The following SPMAP2L variants were observed in gnomAD, a reference collection of about 807,000 sequenced individuals.
The protein encoded by SPMAP2L is sperm microtubule associated protein 2 like.
At chr4:56,616,284 C>T in the SPMAP2L span, among the ~76,000 whole-genome samples, 1 of 152,176 alleles carries the variant, frequency 6.6e-6, no homozygotes, top group Non-Finnish European at 1.5e-5. Flanking sequence ...ATTTCCTCTT[C>T]TCTAAAGGAC....
chr4:56,580,716 G>A, the SPMAP2L span, among the ~76,000 whole-genome samples: 2 of 152,030 alleles, frequency 1.3e-5, no homozygotes, highest in South Asian at 4.1e-4. Context: ...CAGAAATGAC[G>A]TGATCTTGTA....
chr4:56,601,367 C>A, the SPMAP2L span, among the ~76,000 whole-genome samples: 1 of 152,136 alleles, frequency 6.6e-6, no homozygotes, highest in East Asian at 1.9e-4. Context: ...ACCTGTAATC[C>A]TAGTGCTTTG....
the SPMAP2L span, chr4:56,594,219 C>A: frequency 6.2e-7 from 1 of 1,608,730 alleles, no homozygotes; most frequent in Non-Finnish European, 8.5e-7. Flanking sequence ...CCGTTCCTCA[C>A]CCATCAAGTG....
At chr4:56,598,968 G>C in the SPMAP2L span, among the ~76,000 whole-genome samples, 1 of 151,952 alleles carries the variant, frequency 6.6e-6, no homozygotes, top group African/African-American at 2.4e-5. Flanking sequence ...GGGCTCTTAC[G>C]GTCTCTTGCC....
the SPMAP2L span, among the ~76,000 whole-genome samples, chr4:56,551,866 G>T: frequency 6.6e-6 from 1 of 152,202 alleles, no homozygotes; most frequent in Non-Finnish European, 1.5e-5. Flanking sequence ...TGCTGTCTAG[G>T]ATATGTGGCT....
the SPMAP2L span, among the ~76,000 whole-genome samples, chr4:56,541,621 G>C: frequency 6.6e-6 from 1 of 152,012 alleles, no homozygotes; most frequent in South Asian, 2.1e-4. Context: ...TTTGAATATT[G>C]TTTCATCTAG....
chr4:56,559,495 G>GT, the SPMAP2L span: 1 of 1,529,556 alleles, frequency 6.5e-7, no homozygotes. Context: ...GCCCAAGGAA[G>GT]TTTCCTGCCA....
the SPMAP2L span, among the ~76,000 whole-genome samples, chr4:56,551,409 A>G: frequency 3.9e-5 from 6 of 152,104 alleles, no homozygotes; most frequent in Non-Finnish European, 7.4e-5. Flanking sequence ...ATGGTGCATC[A>G]ATCTGTACAA....
At chr4:56,625,096 A>G in the SPMAP2L span, among the ~76,000 whole-genome samples, 1 of 152,114 alleles carries the variant, frequency 6.6e-6, no homozygotes, top group Non-Finnish European at 1.5e-5. Flanking sequence ...CTTGTGGGTG[A>G]CCTGGATGTG....
chr4:56,601,120 T>C, the SPMAP2L span: 2 of 1,530,570 alleles, frequency 1.3e-6, no homozygotes, highest in Admixed American at 2.0e-5. Flanking sequence ...GTATGTCAAT[T>C]TCAGGCTAAA....
the SPMAP2L span, among the ~76,000 whole-genome samples, chr4:56,561,591 AT>A: frequency 6.6e-6 from 1 of 152,058 alleles, no homozygotes; most frequent in African/African-American, 2.4e-5. Flanking sequence ...GTTAAAACTA[AT>A]CCAGTCTCAA....
chr4:56,572,767 G>A, the SPMAP2L span, among the ~76,000 whole-genome samples: 1 of 152,028 alleles, frequency 6.6e-6, no homozygotes, highest in Non-Finnish European at 1.5e-5. Context: ...TGTAATCCCA[G>A]CACTTTGGGA....
At chr4:56,592,760 C>A in the SPMAP2L span, among the ~76,000 whole-genome samples, 2 of 152,012 alleles carry the variant, frequency 1.3e-5, no homozygotes, top group Admixed American at 1.3e-4. Context: ...GCCGTGGGGC[C>A]GGGACAGCAG....
At chr4:56,589,845 A>G in the SPMAP2L span, among the ~76,000 whole-genome samples, 1 of 152,032 alleles carries the variant, frequency 6.6e-6, no homozygotes, top group Non-Finnish European at 1.5e-5. Flanking sequence ...TAGAAGAGCT[A>G]CTGATTTGTA....
the SPMAP2L span, chr4:56,594,559 C>G: frequency 6.2e-6 from 10 of 1,607,548 alleles, no homozygotes; most frequent in Non-Finnish European, 8.5e-6. Flanking sequence ...CCTACTTAAA[C>G]CAGAAAGGAG....
At chr4:56,566,291 C>T in the SPMAP2L span, among the ~76,000 whole-genome samples, 244 of 152,192 alleles carry the variant, frequency 1.6e-3, 1 homozygote, top group African/African-American at 5.7e-3. Flanking sequence ...CTCTGCCTTC[C>T]GGATTCAAGC....
chr4:56,594,583 G>A, the SPMAP2L span: 28 of 1,590,660 alleles, frequency 1.8e-5, no homozygotes, highest in South Asian at 3.3e-5. Flanking sequence ...GGCACAGAAC[G>A]GTTTGCCTCA....
At chr4:56,550,424 T>G in the SPMAP2L span, among the ~76,000 whole-genome samples, 1 of 152,200 alleles carries the variant, frequency 6.6e-6, no homozygotes, top group Admixed American at 6.5e-5. Flanking sequence ...ATAGGACAGA[T>G]ATATCAACTA....
chr4:56,583,683 AC>A, the SPMAP2L span, among the ~76,000 whole-genome samples: 1 of 152,206 alleles, frequency 6.6e-6, no homozygotes, highest in African/African-American at 2.4e-5. Flanking sequence ...CTCAAATCAT[AC>A]TACAGAGGAG....
Sources: gnomAD v4.1 joint callset for allele counts (sites outside exome capture counted in the v4.1 genomes callset) on GRCh38, gnomAD v4.1.1 for gene constraint, MANE v1.5 for transcripts, NCBI Gene and HGNC (gene_info 2026-07-23, HGNC 2026-07-21) for gene names.